Variants in ABCB1 observed in about 807,000 individuals in gnomAD.
ABCB1 encodes ATP binding cassette subfamily B member 1.
ABCB1 carries 69 observed loss-of-function variants against 142.0 expected under a neutral mutation model. The ratio of observed to expected loss-of-function variants is 0.49; its 90% CI spans 0.40 to 0.59. The LOEUF is 0.59. Ranked by LOEUF, ABCB1 falls within the 20% of genes least tolerant of loss-of-function variation. The pLI, the probability that ABCB1 is intolerant of heterozygous loss-of-function variation, is 0.00. For synonymous variants in ABCB1, 532 were observed against 539.2 expected (o/e 0.99, Z 0.18); for missense variants, 1,326 against 1,554.7 (o/e 0.85, Z 2.47).
At chr7:87,553,069 C>T (rs1439779408) in intron 9 of ABCB1, among the ~76,000 whole-genome samples, 1 of 151,962 alleles carries the variant, frequency 6.6e-6, no homozygotes, top group Non-Finnish European at 1.5e-5. Context: ...AGCTGCCATT[C>T]GAAATAATTT....
In ABCB1 at chr7:87,541,558, C is replaced by G. The variant is rs565174929; in HGVS notation, c.2212-94G>C. 53 of 885,528 alleles carry G rather than the reference C, an allele frequency of 6.0e-5. No individual in the cohort carries two copies. The East Asian group carries it at 1.1e-3, about 18-fold the overall frequency. 54.9% of individuals were successfully genotyped at this position (885,528 alleles called of 1,614,324 possible). On this transcript the variant is annotated intron_variant, in intron 17 of 27. Transcript: ENST00000622132. ...CCCATCTGGCCCAGTATTCAGGGGT[C>G]AGGAGAGCCTTAGTACGCTGGAAAT...
intron 1 of ABCB1, among the ~76,000 whole-genome samples, chr7:87,618,372 A>G (rs931922760): frequency 6.6e-6 from 1 of 152,210 alleles, no homozygotes; most frequent in African/African-American, 2.4e-5. Context: ...ATGGGCAACT[A>G]AAAAATATTT....
At chr7:87,656,637 A>G (rs1292669814) in intron 1 of ABCB1, among the ~76,000 whole-genome samples, 1 of 152,190 alleles carries the variant, frequency 6.6e-6, no homozygotes, top group East Asian at 1.9e-4. Context: ...CATTTTCCAA[A>G]ACAGAGTTAG....
intron 7 of ABCB1, 50 bp from the exon 8 acceptor site, chr7:87,561,437 C>A: frequency 3.3e-6 from 5 of 1,533,192 alleles, no homozygotes; most frequent in Non-Finnish European, 4.5e-6. Flanking sequence ...TTAATTTTAT[C>A]TTTTGTAAAG....
At position 87,708,978 on chromosome 7, in the gene ABCB1, A is replaced by T. The variant is rs546222944; in HGVS notation, c.-331+4183T>A. 2.0e-5 allele frequency among the ~76,000 whole-genome samples: 3 copies of T among 152,302 alleles called. No homozygotes were observed. The East Asian group carries it at 5.8e-4, about 29-fold the overall frequency. ...TGGATCACCCTTATCAACTGAAAAC[A>T]TCTAAATTCCTTAATCTAGTTTTTA... On this transcript the variant is annotated intron_variant, in intron 1 of 28. Coordinates refer to the ABCB1 transcript ENST00000265724.
At chr7:87,612,596 C>T (rs564774314) in intron 1 of ABCB1, among the ~76,000 whole-genome samples, 1 of 152,178 alleles carries the variant, frequency 6.6e-6, no homozygotes, top group African/African-American at 2.4e-5. Flanking sequence ...TTTCTGGGGT[C>T]TCTATTCTGT....
chr7:87,707,582 G>T (rs1369284125), intron 1 of ABCB1, among the ~76,000 whole-genome samples: 3 of 152,118 alleles, frequency 2.0e-5, no homozygotes, highest in African/African-American at 7.2e-5. Context: ...GCTGAGGTGG[G>T]AGGGTCACTT....
intron 4 of ABCB1, among the ~76,000 whole-genome samples, chr7:87,583,703 G>T (rs1174914489): frequency 1.3e-5 from 2 of 152,066 alleles, no homozygotes; most frequent in Non-Finnish European, 2.9e-5. Flanking sequence ...ATGCTATTAA[G>T]TAAGTGAGTT....
chr7:87,666,896 T>C (rs1451183441), intron 1 of ABCB1, among the ~76,000 whole-genome samples: 1 of 152,172 alleles, frequency 6.6e-6, no homozygotes, highest in Non-Finnish European at 1.5e-5. Context: ...TGTAGCCTTG[T>C]GGTATAGTTT....
intron 25 of ABCB1, 132 bp downstream of exon 25, chr7:87,515,099 C>G: frequency 8.4e-7 from 1 of 1,196,456 alleles, no homozygotes; most frequent in Non-Finnish European, 1.2e-6. Context: ...CATATTTAGG[C>G]TCTCAGACTT....
At chr7:87,592,005 G>T (rs1009097646) in intron 3 of ABCB1, among the ~76,000 whole-genome samples, 1 of 152,188 alleles carries the variant, frequency 6.6e-6, no homozygotes, top group Non-Finnish European at 1.5e-5. Flanking sequence ...GCTGCTGAGA[G>T]ATCAAGATAG....
intron 7 of ABCB1, 113 bp downstream of exon 7, chr7:87,565,957 A>T: frequency 8.0e-7 from 1 of 1,245,062 alleles, no homozygotes. Context: ...AGAAAACGTA[A>T]AAGTAACAAG....
chr7:87,566,525 A>G (rs994465624), intron 6 of ABCB1, among the ~76,000 whole-genome samples: 6 of 152,172 alleles, frequency 3.9e-5, no homozygotes, highest in African/African-American at 1.4e-4. Context: ...GTTTTGCTCT[A>G]CTGCACATTC....
rs998404035 is a variant in ABCB1, at chr7:87,712,180, T to G, written c.-331+981A>C. ...AGTTTGACCAGGATAGAAAGACTTT[T>G]GGCTGAAAGAAATATTTGCATAAAG... On this transcript the variant is annotated intron_variant, in intron 1 of 28. Coordinates refer to the ABCB1 transcript ENST00000265724. 2.0e-5 allele frequency among the ~76,000 whole-genome samples: 3 copies of G among 152,098 alleles called. No homozygotes were observed. The East Asian group carries it at 5.8e-4, about 29-fold the overall frequency.
At chr7:87,647,177 A>G (rs1376159724) in intron 1 of ABCB1, among the ~76,000 whole-genome samples, 1 of 152,230 alleles carries the variant, frequency 6.6e-6, no homozygotes, top group Non-Finnish European at 1.5e-5. Flanking sequence ...CAAGAATGCC[A>G]TAGGGTGGCA....
intron 9 of ABCB1, 139 bp downstream of exon 9, chr7:87,553,622 C>T: frequency 1.1e-6 from 1 of 945,912 alleles, no homozygotes; most frequent in East Asian, 2.7e-5. Context: ...GCCTGGCCTT[C>T]CACTTTTTAA....
intron 1 of ABCB1, among the ~76,000 whole-genome samples, chr7:87,606,852 G>A (rs1350570646): frequency 6.6e-6 from 1 of 151,900 alleles, no homozygotes; most frequent in Non-Finnish European, 1.5e-5. Flanking sequence ...TTTGGAGATG[G>A]GGATGAGAAT....
At chr7:87,652,516 G>A (rs568651382) in intron 1 of ABCB1, among the ~76,000 whole-genome samples, 5 of 151,746 alleles carry the variant, frequency 3.3e-5, no homozygotes, top group Admixed American at 1.3e-4. Flanking sequence ...TTCTACTTGT[G>A]TGACTAAGAT....
intron 26 of ABCB1, among the ~76,000 whole-genome samples, chr7:87,506,405 T>C (rs1814746147): frequency 6.6e-6 from 1 of 152,172 alleles, no homozygotes; most frequent in Admixed American, 6.5e-5. Flanking sequence ...CATAATAAAA[T>C]AATTGAAGCT....
Sources: gnomAD v4.1 joint callset for allele counts (sites outside exome capture counted in the v4.1 genomes callset) on GRCh38, gnomAD v4.1.1 for gene constraint, MANE v1.5 for transcripts, NCBI Gene and HGNC (gene_info 2026-07-23, HGNC 2026-07-21) for gene names.